The following SLC4A4 variants were observed in gnomAD, a reference collection of about 807,000 sequenced individuals.
SLC4A4 encodes the protein solute carrier family 4 member 4, also known as electrogenic sodium bicarbonate cotransporter 1.
Under a neutral mutation model 111.5 loss-of-function variants are expected in SLC4A4, and 27 were observed. The observed-to-expected ratio is 0.24, with a 90% confidence interval of 0.18 to 0.33. The LOEUF (loss-of-function observed/expected upper bound fraction) is 0.33, where lower values mean the gene tolerates loss of function less well. Ranked by LOEUF, SLC4A4 falls within the 10% of genes least tolerant of loss-of-function variation. The pLI, the probability that SLC4A4 is intolerant of heterozygous loss-of-function variation, is 1.00. For missense variants in SLC4A4, 909 were observed against 1,315.5 expected, an observed-to-expected ratio of 0.69 and a Z score of 4.78; for synonymous variants, 443 against 463.4, an observed-to-expected ratio of 0.96 and a Z score of 0.57.
chr4:71,140,856 A>G (rs1211038747), intron 2 of SLC4A4, among the ~76,000 whole-genome samples: 1 of 152,208 alleles, frequency 6.6e-6, no homozygotes, highest in South Asian at 2.1e-4. Context: ...CTAAGCTTCC[A>G]CTGTTTTTAA....
chr4:71,263,253 C>T (rs977985995), intron 3 of SLC4A4, among the ~76,000 whole-genome samples: 16 of 152,098 alleles, frequency 1.1e-4, no homozygotes, highest in African/African-American at 3.1e-4. Flanking sequence ...AGCAAGGCCA[C>T]CTTAAGTTCA....
chr4:71,195,271 G>T lies in SLC4A4; in HGVS notation c.-2+7870G>T, dbSNP rs374143197. 1.6e-4 allele frequency among the ~76,000 whole-genome samples: 24 copies of T among 145,694 alleles called. No individual in the cohort carries two copies. The South Asian group carries it at 3.3e-3, about 20-fold the overall frequency. ...TTTTTTTTTTAAAGAGCTTATGGGGGTCTTGGGTGTTTGCTGCCATCATTT... is the reference window on the plus strand; with the variant it reads ...TTTTTTTTTTAAAGAGCTTATGGGGTTCTTGGGTGTTTGCTGCCATCATTT... On this transcript the variant is annotated intron_variant, in intron 1 of 25. Transcript: ENST00000264485.
At chr4:71,156,584 G>GCACACA (rs1197617607) in intron 2 of SLC4A4, among the ~76,000 whole-genome samples, 90 of 112,494 alleles carry the variant, frequency 8.0e-4, no homozygotes, top group African/African-American at 3.4e-3. Context: ...GCGCGCGCGC[G>GCACACA]CGCGCACACA....
chr4:71,466,931 AAGAGAG>A (rs61128918), intron 13 of SLC4A4, among the ~76,000 whole-genome samples: 3,043 of 94,812 alleles, frequency 0.032, 83 homozygotes, highest in Non-Finnish European at 0.051. Flanking sequence ...ACAAGACGGG[AAGAGAG>A]AGAGAGAGAG....
rs543489795 is a variant in SLC4A4, at chr4:71,253,967, G to A, written c.74-1253G>A. ...AGGAGCATATAATTCTTTGAAGCCT[G>A]CCAATTTAAGGAAACACCCCTGCCA... On this transcript the variant is annotated intron_variant, in intron 2 of 25. Coordinates refer to ENST00000264485, the MANE Select transcript of SLC4A4 (RefSeq NM_001098484.3). Among the ~76,000 whole-genome samples, 7 of 152,268 alleles carry A rather than the reference G, an allele frequency of 4.6e-5. No homozygotes were observed. In the South Asian group the frequency reaches 1.4e-3, roughly 32 times the overall value.
intron 2 of SLC4A4, among the ~76,000 whole-genome samples, chr4:71,124,182 T>G (rs1277453485): frequency 6.6e-6 from 1 of 151,296 alleles, no homozygotes; most frequent in African/African-American, 2.4e-5. Context: ...CACTTTTTTT[T>G]TTTTTTTTTG....
At chr4:71,145,704 A>T (rs1744145173) in intron 2 of SLC4A4, among the ~76,000 whole-genome samples, 1 of 151,886 alleles carries the variant, frequency 6.6e-6, no homozygotes, top group East Asian at 1.9e-4. Flanking sequence ...GAATTTATCC[A>T]TTTCTTCTAG....
intron 16 of SLC4A4, among the ~76,000 whole-genome samples, chr4:71,522,391 G>A (rs1037329327): frequency 2.6e-5 from 4 of 152,128 alleles, no homozygotes; most frequent in East Asian, 1.9e-4. Context: ...ATGCCATCAC[G>A]CACCTTATGT....
At chr4:71,386,764 T>A (rs2148960304) in intron 6 of SLC4A4, among the ~76,000 whole-genome samples, 1 of 152,326 alleles carries the variant, frequency 6.6e-6, no homozygotes. Context: ...GTTTTCTAAG[T>A]GATATTTCTT....
intron 2 of SLC4A4, among the ~76,000 whole-genome samples, chr4:71,128,224 T>G (rs1303314426): frequency 6.6e-6 from 1 of 152,160 alleles, no homozygotes; most frequent in Non-Finnish European, 1.5e-5. Flanking sequence ...ACATCACATC[T>G]TACGTGCACG....
intron 2 of SLC4A4, among the ~76,000 whole-genome samples, chr4:71,124,419 C>G (rs1404777130): frequency 6.6e-6 from 1 of 152,040 alleles, no homozygotes; most frequent in East Asian, 1.9e-4. Flanking sequence ...ATCCACCCCC[C>G]TCGACCTCCC....
At chr4:71,540,009 A>C (rs555609393) in intron 18 of SLC4A4, among the ~76,000 whole-genome samples, 1 of 152,178 alleles carries the variant, frequency 6.6e-6, no homozygotes, top group African/African-American at 2.4e-5. Context: ...TTGTGAATTT[A>C]CTGTAGACAT....
At chr4:71,420,305 G>A (rs1023674724) in intron 7 of SLC4A4, among the ~76,000 whole-genome samples, 5 of 152,218 alleles carry the variant, frequency 3.3e-5, no homozygotes, top group East Asian at 1.9e-4. Flanking sequence ...AAAAAGAAAC[G>A]AACAAAGCCT....
chr4:71,231,584 A>T (rs1424696288), intron 1 of SLC4A4, among the ~76,000 whole-genome samples: 3 of 152,208 alleles, frequency 2.0e-5, no homozygotes, highest in Non-Finnish European at 4.4e-5. Context: ...GGCCTGGCTG[A>T]AGGAAGGCAT....
chr4:71,181,438 C>T (rs1269908933), intron 2 of SLC4A4, among the ~76,000 whole-genome samples: 1 of 152,090 alleles, frequency 6.6e-6, no homozygotes, highest in African/African-American at 2.4e-5. Context: ...GTTCCCCTTC[C>T]TGGAAGCAAA....
At chr4:71,274,573 G>C (rs1404126351) in intron 3 of SLC4A4, among the ~76,000 whole-genome samples, 2 of 152,224 alleles carry the variant, frequency 1.3e-5, no homozygotes, top group African/African-American at 4.8e-5. Flanking sequence ...AATGCAGTTA[G>C]TATCTTTAGA....
intron 6 of SLC4A4, among the ~76,000 whole-genome samples, chr4:71,381,047 T>C (rs1026748041): frequency 3.3e-5 from 5 of 152,198 alleles, no homozygotes; most frequent in Non-Finnish European, 7.3e-5. Context: ...GCACACTTAC[T>C]ATTATGGGCT....
chr4:71,182,051 T>A (rs1024399907), intron 2 of SLC4A4, among the ~76,000 whole-genome samples: 3 of 152,216 alleles, frequency 2.0e-5, no homozygotes, highest in Admixed American at 6.5e-5. Flanking sequence ...TAATGGACAT[T>A]ATTTTGTCCA....
At chr4:71,215,600 A>C (rs942116569) in intron 1 of SLC4A4, among the ~76,000 whole-genome samples, 4 of 152,230 alleles carry the variant, frequency 2.6e-5, no homozygotes, top group African/African-American at 9.6e-5. Flanking sequence ...TTTTAGAGTC[A>C]GACAGATCTA....
Sources: allele counts gnomAD v4.1 joint callset (sites outside exome capture counted in the v4.1 genomes callset), GRCh38; gene constraint gnomAD v4.1.1; transcripts MANE v1.5; gene names NCBI Gene and HGNC (gene_info 2026-07-23, HGNC 2026-07-21).